The following ANKFN1 variants were observed in gnomAD, a reference collection of about 807,000 sequenced individuals.
ANKFN1 encodes the protein ankyrin repeat and fibronectin type-III domain-containing protein 1.
ANKFN1 carries 74 observed loss-of-function variants against 108.7 expected under a neutral mutation model. The observed-to-expected ratio is 0.68, with a 90% CI of 0.56 to 0.83. The LOEUF is 0.83. Among genes scored for constraint, ANKFN1 ranks in the 40% least tolerant of loss-of-function variants. The pLI is 0.00. For synonymous variants in ANKFN1, 547 were observed against 516.2 expected (o/e 1.06, Z -0.81); for missense variants, 1,505 against 1,382.3 (o/e 1.09, Z -1.41).
chr17:56,209,294 A>T (rs1488739752), intron 1 of ANKFN1, among the ~76,000 whole-genome samples: 1 of 152,196 alleles, frequency 6.6e-6, no homozygotes, highest in African/African-American at 2.4e-5. Context: ...AGAAAGAGGA[A>T]ATCCTTTATA....
chr17:56,274,758 A>C (rs1484551499), intron 3 of ANKFN1, among the ~76,000 whole-genome samples: 1 of 152,128 alleles, frequency 6.6e-6, no homozygotes, highest in African/African-American at 2.4e-5. Flanking sequence ...TGGTCTCCAC[A>C]TAGTTATAAT....
At chr17:56,089,009 G>C (rs1905366788) in intron 4 of ANKFN1, among the ~76,000 whole-genome samples, 1 of 150,752 alleles carries the variant, frequency 6.6e-6, no homozygotes, top group Non-Finnish European at 1.5e-5. Flanking sequence ...CTTAGCATTT[G>C]TTCTCATCTT....
chr17:56,400,124 T>C (rs1026113741), intron 8 of ANKFN1, among the ~76,000 whole-genome samples: 4 of 152,044 alleles, frequency 2.6e-5, no homozygotes, highest in Non-Finnish European at 5.9e-5. Flanking sequence ...CTGGATCAAA[T>C]GGTAGTCCTA....
chr17:56,217,121 G>A (rs1915480725), intron 2 of ANKFN1, among the ~76,000 whole-genome samples: 1 of 152,122 alleles, frequency 6.6e-6, no homozygotes, highest in Non-Finnish European at 1.5e-5. Context: ...GAATAATTGA[G>A]GATTGAATAC....
chr17:56,486,142 C>T (rs1415831136), intron 18 of ANKFN1, among the ~76,000 whole-genome samples: 2 of 152,150 alleles, frequency 1.3e-5, no homozygotes, highest in African/African-American at 2.4e-5. Flanking sequence ...GAAAAATAGG[C>T]CATAGATCAA....
At chr17:56,190,032 G>T (rs895646138) in intron 1 of ANKFN1, among the ~76,000 whole-genome samples, 1 of 147,764 alleles carries the variant, frequency 6.8e-6, no homozygotes, top group Non-Finnish European at 1.5e-5. Flanking sequence ...ATGGTAGTTT[G>T]TATTTCTGTG....
At chr17:56,188,566 T>TGA in intron 1 of ANKFN1, among the ~76,000 whole-genome samples, 1 of 107,256 alleles carries the variant, frequency 9.3e-6, no homozygotes, top group Non-Finnish European at 1.8e-5. Flanking sequence ...TGTGTGTATG[T>TGA]GTGTGTGTGT....
intron 8 of ANKFN1, among the ~76,000 whole-genome samples, chr17:56,378,100 C>T (rs949357779): frequency 1.3e-5 from 2 of 152,216 alleles, no homozygotes; most frequent in Non-Finnish European, 2.9e-5. Context: ...TAAAAAGCAT[C>T]TCTCCTTGCA....
chr17:56,229,142 T>C (rs187349540), intron 3 of ANKFN1, among the ~76,000 whole-genome samples: 1 of 152,234 alleles, frequency 6.6e-6, no homozygotes, highest in East Asian at 1.9e-4. Flanking sequence ...CTCAAAACAT[T>C]CAGATTTAAT....
chr17:56,150,313 A>T (rs1411400787), upstream of ANKFN1, among the ~76,000 whole-genome samples: 2 of 152,210 alleles, frequency 1.3e-5, no homozygotes, highest in Non-Finnish European at 2.9e-5. Flanking sequence ...TTCTCTTAAA[A>T]ATATGAAAAG....
intron 2 of ANKFN1, chr17:56,215,965 G>A (rs1915397800): frequency 6.6e-6 from 1 of 152,342 alleles, no homozygotes; most frequent in Non-Finnish European, 1.5e-5. Flanking sequence ...AGACACCATG[G>A]AGGATAAAAA....
intron 15 of ANKFN1, among the ~76,000 whole-genome samples, chr17:56,469,876 T>C (rs566233777): frequency 6.6e-6 from 1 of 152,174 alleles, no homozygotes; most frequent in Admixed American, 6.5e-5. Context: ...GCTGCACCTA[T>C]CAATCCATCA....
intron 8 of ANKFN1, among the ~76,000 whole-genome samples, chr17:56,386,401 G>A (rs529797022): frequency 1.3e-5 from 2 of 151,840 alleles, no homozygotes; most frequent in East Asian, 1.9e-4. Flanking sequence ...CAGCACACCA[G>A]CATGGCACAT....
chr17:56,327,970 C>T (rs1425675463), intron 4 of ANKFN1, among the ~76,000 whole-genome samples: 2 of 151,942 alleles, frequency 1.3e-5, no homozygotes, highest in Non-Finnish European at 2.9e-5. Flanking sequence ...CTAAGGGATC[C>T]AGAACACTCT....
intron 1 of ANKFN1, among the ~76,000 whole-genome samples, chr17:56,204,686 A>G (rs190201700): frequency 4.2e-4 from 64 of 152,340 alleles, no homozygotes; most frequent in African/African-American, 1.5e-3. Context: ...AACCACTGTC[A>G]TAATATAGAC....
At chr17:56,170,774 TTATATATATATATATA>T (rs60304505) in intron 1 of ANKFN1, among the ~76,000 whole-genome samples, 12 of 68,106 alleles carry the variant, frequency 1.8e-4, no homozygotes, top group South Asian at 1.3e-3. Flanking sequence ...AAAAAATTTT[TTATATATATATATATA>T]TATATATATA....
intron 4 of ANKFN1, among the ~76,000 whole-genome samples, chr17:56,135,379 G>A (rs78006737): frequency 0.016 from 2,435 of 152,122 alleles, 62 homozygotes; most frequent in East Asian, 0.13. Context: ...TATGAGATTC[G>A]GAATTCAAAT....
At chr17:56,152,486 G>A (rs149367160), upstream of ANKFN1, among the ~76,000 whole-genome samples, 23 of 151,870 alleles carry the variant, frequency 1.5e-4, no homozygotes, top group Non-Finnish European at 3.1e-4. Flanking sequence ...TTTTAAAAAA[G>A]CAATTAGACA....
chr17:56,179,364 C>T (rs1911467970), intron 1 of ANKFN1, among the ~76,000 whole-genome samples: 1 of 152,310 alleles, frequency 6.6e-6, no homozygotes, highest in Non-Finnish European at 1.5e-5. Flanking sequence ...AGGCTCCTGC[C>T]AGTCATCATT....
Sources: allele counts gnomAD v4.1 joint callset (sites outside exome capture counted in the v4.1 genomes callset), GRCh38; gene constraint gnomAD v4.1.1; transcripts MANE v1.5; gene names NCBI Gene and HGNC (gene_info 2026-07-23, HGNC 2026-07-21).